The following LITAF variants were observed in gnomAD, a reference collection of about 807,000 sequenced individuals.
LITAF encodes lipopolysaccharide induced TNF factor.
LITAF carries 9 observed loss-of-function variants against 14.5 expected under a neutral mutation model. That is an observed-to-expected ratio of 0.62 (90% confidence interval 0.37 to 1.08). LITAF has a LOEUF of 1.08. LITAF is among the 50% of genes least tolerant of loss of function. The probability of loss-of-function intolerance (pLI) is 0.01; values close to 1 mark genes in which losing one functional copy is unlikely to be tolerated. For synonymous variants in LITAF, 98 were observed against 88.2 expected (o/e 1.11, Z -0.62); for missense variants, 206 against 213.4 (o/e 0.97, Z 0.22).
chr16:11,636,796 G>A (rs1386909330), upstream of LITAF, among the ~76,000 whole-genome samples: 4 of 152,078 alleles, frequency 2.6e-5, no homozygotes, highest in East Asian at 7.7e-4. Context: ...GAAATGATGT[G>A]GAGGCTACTT....
At chr16:11,586,925 G>A (rs937083472), upstream of LITAF, 2 of 150,336 alleles carry the variant, frequency 1.3e-5, no homozygotes, top group African/African-American at 4.9e-5. This position sits in a 1 kb window ranked among gnomAD's most constrained non-coding sequence, Gnocchi z 6.5. Flanking sequence ...GGTCTGAGCT[G>A]GCCTCTCGGG....
intron 3 of LITAF, among the ~76,000 whole-genome samples, chr16:11,626,035 C>T (rs117824720): frequency 2.6e-3 from 394 of 152,236 alleles, no homozygotes; most frequent in African/African-American, 6.5e-3. Context: ...AGATCCCATG[C>T]GCTTAGTAAA....
At chr16:11,618,510 T>C (rs1016409231) in intron 3 of LITAF, among the ~76,000 whole-genome samples, 4 of 152,188 alleles carry the variant, frequency 2.6e-5, no homozygotes, top group Non-Finnish European at 5.9e-5. Context: ...GCCATGCAGC[T>C]GGTGTCAGAG....
chr16:11,562,250 G>A (rs2064379824), intron 1 of LITAF, among the ~76,000 whole-genome samples: 1 of 149,130 alleles, frequency 6.7e-6, no homozygotes, highest in African/African-American at 2.5e-5. Context: ...GGAGATGGAG[G>A]CTGCAGTGAG....
intron 2 of LITAF, among the ~76,000 whole-genome samples, chr16:11,556,005 G>C (rs2064261893): frequency 1.3e-5 from 2 of 152,124 alleles, no homozygotes; most frequent in Admixed American, 1.3e-4. Context: ...TGACATACCA[G>C]GGCACCCTTG....
intron 1 of LITAF, among the ~76,000 whole-genome samples, chr16:11,564,762 G>A (rs1363654385): frequency 2.0e-5 from 3 of 152,102 alleles, no homozygotes; most frequent in South Asian, 2.1e-4. Context: ...CCGGCTCCAC[G>A]ACAGCCCTGG....
Position 11,634,153 on chromosome 16 carries a change from G to A in LITAF, c.-20-516C>T, listed in dbSNP as rs1468647820. On this transcript the variant is annotated intron_variant, in intron 2 of 3. Transcript: ENST00000574848. This position sits in a 1 kb window ranked among gnomAD's most constrained non-coding sequence, Gnocchi z 4.1. ...GGGCACTTATACACACATGCACACA[G>A]GTGAGACCATCTTTGCAAAAATTAT... Among the ~76,000 whole-genome samples, 4 of 152,134 alleles carry A rather than the reference G, an allele frequency of 2.6e-5. No individual in the cohort carries two copies. The East Asian group carries it at 5.8e-4, about 22-fold the overall frequency.
At chr16:11,598,200 A>G (rs1432264636) in intron 1 of LITAF, among the ~76,000 whole-genome samples, 1 of 151,704 alleles carries the variant, frequency 6.6e-6, no homozygotes, top group Non-Finnish European at 1.5e-5. Context: ...GCCCGGCCAA[A>G]AGCTCAGCAC....
At chr16:11,619,260 G>A (rs568918591) in intron 3 of LITAF, among the ~76,000 whole-genome samples, 1 of 150,918 alleles carries the variant, frequency 6.6e-6, no homozygotes, top group South Asian at 2.1e-4. Flanking sequence ...GCAGTGAGCC[G>A]AGATCACATC....
At chr16:11,612,505 T>C (rs1010507330) in intron 3 of LITAF, among the ~76,000 whole-genome samples, 3 of 152,218 alleles carry the variant, frequency 2.0e-5, no homozygotes, top group Non-Finnish European at 4.4e-5. Flanking sequence ...TCTGACCTCG[T>C]GTGGGTCACC....
chr16:11,578,090 G>C (rs1419620048), intron 1 of LITAF, among the ~76,000 whole-genome samples: 2 of 152,008 alleles, frequency 1.3e-5, no homozygotes, highest in Non-Finnish European at 2.9e-5. Context: ...TAGAGATGGG[G>C]GTCTCAATAT....
chr16:11,577,781 T>C lies in LITAF; in HGVS notation c.-6+9105A>G, dbSNP rs765643816. Among the ~76,000 whole-genome samples, 36 of 152,090 alleles carry C rather than the reference T, an allele frequency of 2.4e-4. 1 individual carries two copies. The highest frequency in any genetic ancestry group is 1.5e-3 in the Admixed American group (23 of 15,260). ...CCCAGGCTGGAGTGCAGTGGCACCA[T>C]TGGCACCATCATAGCTTACTATGGC... On this transcript the variant is annotated intron_variant, in intron 1 of 3. Transcript: ENST00000622633.
At chr16:11,568,049 A>C (rs1274841411) in intron 1 of LITAF, among the ~76,000 whole-genome samples, 1 of 152,036 alleles carries the variant, frequency 6.6e-6, no homozygotes, top group Non-Finnish European at 1.5e-5. Context: ...GCACTTTGGA[A>C]GCCCAAGGCG....
At chr16:11,557,805 G>C (rs2141722848) in intron 1 of LITAF, among the ~76,000 whole-genome samples, 1 of 152,258 alleles carries the variant, frequency 6.6e-6, no homozygotes, top group African/African-American at 2.4e-5. Context: ...TTCTCATTTT[G>C]AAAAATGAGC....
intron 1 of LITAF, among the ~76,000 whole-genome samples, chr16:11,568,861 G>A (rs955571423): frequency 2.6e-5 from 4 of 151,868 alleles, no homozygotes; most frequent in Non-Finnish European, 4.4e-5. Flanking sequence ...TGTATTTTTA[G>A]GAGGGACAGG....
At chr16:11,561,015 C>T (rs977472425) in intron 1 of LITAF, 3 of 152,200 alleles carry the variant, frequency 2.0e-5, no homozygotes, top group Non-Finnish European at 2.9e-5. Context: ...AAACTTCCAG[C>T]AAAGGGAACG....
At chr16:11,569,174 C>T (rs578200908) in intron 1 of LITAF, among the ~76,000 whole-genome samples, 11 of 152,310 alleles carry the variant, frequency 7.2e-5, no homozygotes, top group African/African-American at 2.6e-4. Context: ...AGAAATTGGC[C>T]TGGTGGGAAA....
At chr16:11,603,333 G>A (rs2064938218), upstream of LITAF, among the ~76,000 whole-genome samples, 1 of 152,128 alleles carries the variant, frequency 6.6e-6, no homozygotes. Flanking sequence ...GGATGGGGGC[G>A]GTGCTGTTTG....
chr16:11,559,298 A>AT (rs1241556306), intron 1 of LITAF, among the ~76,000 whole-genome samples: 2 of 151,968 alleles, frequency 1.3e-5, no homozygotes, highest in East Asian at 1.9e-4. Flanking sequence ...GAAGAACTGA[A>AT]TTTTTTTTGT....
Sources: allele counts gnomAD v4.1 joint callset (sites outside exome capture counted in the v4.1 genomes callset), GRCh38; gene constraint gnomAD v4.1.1; non-coding constraint Gnocchi (gnomAD v3.1); transcripts MANE v1.5; gene names NCBI Gene and HGNC (gene_info 2026-07-23, HGNC 2026-07-21).